DHX34: variants seen among roughly 807,000 people sequenced by gnomAD.
DHX34 encodes the protein DExH-box helicase 34.
Under a neutral mutation model 111.1 loss-of-function variants are expected in DHX34, and 96 were observed. That is an observed-to-expected ratio of 0.86 (90% confidence interval 0.73 to 1.02). The LOEUF (loss-of-function observed/expected upper bound fraction) is 1.02, where lower values mean the gene tolerates loss of function less well. Ranked by LOEUF, DHX34 falls within the 50% of genes least tolerant of loss-of-function variation. The pLI is 0.00. For synonymous variants in DHX34, 688 were observed against 670.4 expected (o/e 1.03, Z -0.41); for missense variants, 1,560 against 1,579.9 (o/e 0.99, Z 0.21).
rs1222558114 is a variant in DHX34 at position 47,349,352 on chromosome 19, GGTAA to G, written c.-278+3_-278+6del. The G allele has an allele frequency of 6.6e-6, 1 of 152,578 alleles. No individual in the cohort carries two copies. Among genetic ancestry groups the G allele is most frequent in the Non-Finnish European group, 1.5e-5 (1 of 68,256 alleles). The allele number at this position is 152,578 out of a possible 1,614,324, so 9.5% of individuals were successfully genotyped here. ...GGAAGTTAAGGCGTTCGCGGCGTGT[GGTAA>G]GTGAGGGGGGCGGGACGGGTGTACC... is the stretch of plus-strand genomic sequence containing the variant. On this transcript the variant is annotated splice_donor_variant and splice_donor_region_variant and intron_variant, in intron 1 of 16. Coordinates refer to ENST00000328771, the MANE Select transcript of DHX34 (RefSeq NM_014681.6). LOFTEE classifies it low-confidence loss of function (5UTR_SPLICE).
At chr19:47,371,993 A>G (rs1280834605) in intron 7 of DHX34, among the ~76,000 whole-genome samples, 3 of 151,292 alleles carry the variant, frequency 2.0e-5, no homozygotes, top group Non-Finnish European at 1.5e-5. Flanking sequence ...GCCCAGAACC[A>G]GGGGATGTCT....
Position 47,352,867 on chromosome 19 carries a change from T to C in DHX34, c.-164T>C, listed in dbSNP as rs1969326983. On this transcript the variant is annotated 5_prime_UTR_variant, in exon 2 of 17. Coordinates refer to ENST00000328771, the MANE Select transcript of DHX34 (RefSeq NM_014681.6). The stretch of plus-strand genomic sequence containing the variant: ...AAGCAGGCCTCTGGCCACTTTATCA[T>C]CTGTGGTGGTCCTGTGCCGTGACCA... 1 of 1,402,464 alleles carries C rather than the reference T, an allele frequency of 7.1e-7. No individual in the cohort carries two copies. Among genetic ancestry groups the C allele is most frequent in the African/African-American group, 1.4e-5 (1 of 69,080 alleles). 86.9% of individuals were successfully genotyped at this position (1,402,464 alleles called of 1,614,324 possible).
intron 13 of DHX34, among the ~76,000 whole-genome samples, chr19:47,378,291 ACT>A (rs1483785576): frequency 1.3e-5 from 2 of 149,276 alleles, no homozygotes; most frequent in Non-Finnish European, 2.9e-5. Flanking sequence ...TGGGCCAGGC[ACT>A]GTTAGTGTTC....
At chr19:47,376,206 C>A in intron 11 of DHX34, 109 bp downstream of exon 11, 1 of 1,463,752 alleles carries the variant, frequency 6.8e-7, no homozygotes, top group East Asian at 2.4e-5. Flanking sequence ...TGGTTCTGTC[C>A]CCATGGGGCT....
intron 5 of DHX34, among the ~76,000 whole-genome samples, chr19:47,360,563 G>A (rs1013515122): frequency 6.6e-6 from 1 of 152,042 alleles, no homozygotes; most frequent in Non-Finnish European, 1.5e-5. Context: ...TTCAGGGCCC[G>A]CATAAATGTC....
chr19:47,365,705 T>C (rs1489486320), intron 6 of DHX34, among the ~76,000 whole-genome samples: 13 of 152,168 alleles, frequency 8.5e-5, no homozygotes, highest in Admixed American at 8.5e-4. Context: ...CTGAGCTTCC[T>C]TCTCGCTCTC....
intron 5 of DHX34, among the ~76,000 whole-genome samples, chr19:47,360,379 G>C (rs147113259): frequency 0.014 from 2,078 of 152,264 alleles, 24 homozygotes; most frequent in Middle Eastern, 0.024. Flanking sequence ...TTCAGACTTT[G>C]GATTTCCAGA....
intron 4 of DHX34, 171 bp from the exon 5 acceptor site, chr19:47,359,797 C>T (rs900015833): frequency 2.1e-6 from 2 of 971,040 alleles, no homozygotes; most frequent in Middle Eastern, 5.3e-4. Flanking sequence ...GGGGGAGGGC[C>T]CAGGATGGCC....
chr19:47,362,111 C>CA (rs1448986187), intron 5 of DHX34, among the ~76,000 whole-genome samples: 2 of 151,292 alleles, frequency 1.3e-5, no homozygotes, highest in African/African-American at 4.9e-5. Context: ...CCCGTCACTG[C>CA]AAAAAATTAG....
intron 13 of DHX34, 65 bp from the exon 14 acceptor site, chr19:47,379,645 G>A (rs11669926): frequency 0.039 from 58,898 of 1,528,336 alleles, 1,279 homozygotes; most frequent in Middle Eastern, 0.049. Context: ...AGCCGGGCAG[G>A]GCCTGTCTCC....
At chr19:47,376,691 G>C (rs1302333002) in intron 12 of DHX34, 131 bp downstream of exon 12, 1 of 1,452,296 alleles carries the variant, frequency 6.9e-7, no homozygotes, top group East Asian at 2.5e-5. Context: ...CCACAGGAGG[G>C]GAAGTTCCAG....
Position 47,379,975 on chromosome 19 carries a change from C to T in DHX34, c.2972C>T (p.Thr991Met), listed in dbSNP as rs201992850. 8.9e-5 allele frequency: 141 copies of T among 1,584,546 alleles called. No individual in the cohort carries two copies. The highest frequency in any genetic ancestry group is 7.6e-4 in the Admixed American group (45 of 59,140). ...CTGAGCAAGGAACTCCTGCAATTCA[C>T]GGCATCCAAGGTACCCTCCACCAGG... ...ATLSKELLQF[T>M]ASKIPYSLRR... is the part of the protein sequence containing the mutation. Residue 991 changes from threonine to methionine, a missense_variant, in exon 14 of 17, where the codon ACG becomes ATG. Transcript: ENST00000328771.
intron 11 of DHX34, 117 bp from the exon 12 acceptor site, chr19:47,376,326 A>AGGAGTCAG: frequency 6.5e-7 from 1 of 1,531,198 alleles, no homozygotes; most frequent in Non-Finnish European, 8.7e-7. Flanking sequence ...CCAGATTTGG[A>AGGAGTCAG]GGAGTCAGGG....
chr19:47,374,365 A>AG (rs1405511446), intron 9 of DHX34, among the ~76,000 whole-genome samples: 1 of 141,124 alleles, frequency 7.1e-6, no homozygotes, highest in Non-Finnish European at 1.5e-5. Context: ...TGAACCCAGG[A>AG]GGTGGAGGTT....
chr19:47,355,260 C>T lies in DHX34; in HGVS notation c.927C>T (p.Leu309=), dbSNP rs774630959. The T allele has an allele frequency of 8.7e-5, 140 of 1,614,106 alleles. No homozygotes were observed. The highest frequency in any genetic ancestry group is 1.1e-4 in the Non-Finnish European group (132 of 1,180,056). The change falls in exon 3 of 17, where the codon CTC becomes CTT. Residue 309 remains leucine (L), a synonymous_variant. Coordinates refer to ENST00000328771, the MANE Select transcript of DHX34 (RefSeq NM_014681.6). ...CGCGGCCTGACCTCAAGGTCATCCT[C>T]ATGTCGGCCACCATCAACATCTCGC... ...LPTRPDLKVI[L]MSATINISLF...
rs772435047 is a variant in DHX34 at position 47,353,151 on chromosome 19, G to T, written c.121G>T (p.Asp41Tyr). 3.1e-6 allele frequency: 5 copies of T among 1,614,202 alleles called. No individual in the cohort carries two copies. Among genetic ancestry groups the T allele is most frequent in the South Asian group, 2.2e-5 (2 of 91,084 alleles). ...TCCAGAGACGCGTCGCCTCTTGGAAGATGCCTTCTTCCGTGAAGAGGATTA... is the reference window on the plus strand; with the variant it reads ...TCCAGAGACGCGTCGCCTCTTGGAATATGCCTTCTTCCGTGAAGAGGATTA... ...NCPETRRLLE[D>Y]AFFREEDYIR... The change falls in exon 2 of 17, where the codon GAT becomes TAT. Residue 41 changes from aspartate (D) to tyrosine (Y), a missense_variant. Physicochemically the swap from Asp to Tyr is radical, Grantham distance 160 (BLOSUM62 -3). Transcript: ENST00000328771. The surrounding 1 kb of genome is among the most constrained non-coding windows in gnomAD (Gnocchi z 4.6).
At chr19:47,356,585 C>T (rs2122227273) in intron 3 of DHX34, among the ~76,000 whole-genome samples, 1 of 150,254 alleles carries the variant, frequency 6.7e-6, no homozygotes, top group African/African-American at 2.5e-5. Context: ...GCCAAGATGG[C>T]TCCACTGCAC....
intron 9 of DHX34, chr19:47,375,230 A>C (rs1050706731): frequency 1.4e-4 from 131 of 955,522 alleles, no homozygotes; most frequent in Non-Finnish European, 1.3e-4. Flanking sequence ...CTGTGGGAAA[A>C]GGCACTGGAC....
intron 9 of DHX34, among the ~76,000 whole-genome samples, chr19:47,374,283 A>G (rs1321095731): frequency 6.6e-6 from 1 of 151,970 alleles, no homozygotes; most frequent in African/African-American, 2.4e-5. Context: ...CTAAAAATAC[A>G]AAAATTAGCC....
Sources: gnomAD v4.1 joint callset for allele counts (sites outside exome capture counted in the v4.1 genomes callset) on GRCh38, gnomAD v4.1.1 for gene constraint, Gnocchi (gnomAD v3.1) non-coding constraint, MANE v1.5 for transcripts, NCBI Gene and HGNC (gene_info 2026-07-23, HGNC 2026-07-21) for gene names.